The following VPS8 variants were observed in gnomAD, a reference collection of about 807,000 sequenced individuals.
VPS8 encodes vacuolar protein sorting-associated protein 8 homolog.
In VPS8, 129 loss-of-function variants were observed where a neutral mutation model predicts 216.4. That is an observed-to-expected ratio of 0.60 (90% confidence interval 0.52 to 0.69). VPS8 has a LOEUF of 0.69. Ranked by LOEUF, VPS8 falls within the 30% of genes least tolerant of loss-of-function variation. VPS8 has a pLI of 0.00. For missense variants in VPS8, 1,531 were observed against 1,683.5 expected (o/e 0.91, Z 1.59); for synonymous variants, 571 against 565.4 (o/e 1.01, Z -0.14).
At chr3:184,820,765 C>T (rs1289569453) in intron 1 of VPS8, among the ~76,000 whole-genome samples, 1 of 152,124 alleles carries the variant, frequency 6.6e-6, no homozygotes. Flanking sequence ...GGGAAGGGGA[C>T]ATAGTTGGCT....
intron 11 of VPS8, 138 bp downstream of exon 11, chr3:184,852,705 G>A (rs1724538694): frequency 1.3e-6 from 1 of 799,022 alleles, no homozygotes; most frequent in African/African-American, 1.7e-5. Context: ...TACCTGGGAA[G>A]GCTTATATTA....
intron 34 of VPS8, among the ~76,000 whole-genome samples, chr3:184,931,045 A>G (rs1740593321): frequency 6.6e-6 from 1 of 152,194 alleles, no homozygotes; most frequent in Non-Finnish European, 1.5e-5. Flanking sequence ...AGAGGATGCA[A>G]GTATTCACTT....
At chr3:185,051,773 G>A in intron 47 of VPS8, 103 bp from the exon 48 acceptor site, 1 of 1,345,648 alleles carries the variant, frequency 7.4e-7, no homozygotes. Flanking sequence ...TACTACTCCT[G>A]CAACACAGCA....
chr3:184,823,089 T>C (rs1305144675), intron 1 of VPS8, among the ~76,000 whole-genome samples: 1 of 152,196 alleles, frequency 6.6e-6, no homozygotes. Context: ...TTTAATATGA[T>C]AAAAATGAAA....
chr3:184,999,659 T>A (rs368704902), intron 44 of VPS8, 37 bp from the exon 45 acceptor site: 2 of 1,568,074 alleles, frequency 1.3e-6, no homozygotes, highest in African/African-American at 2.7e-5. Flanking sequence ...GATTTTGTGA[T>A]AATAAAAAGT....
intron 11 of VPS8, among the ~76,000 whole-genome samples, chr3:184,853,157 A>G (rs1402571779): frequency 6.6e-6 from 1 of 152,200 alleles, no homozygotes; most frequent in African/African-American, 2.4e-5. Context: ...GTTAATGTTT[A>G]TTGAGCATCT....
At chr3:184,917,304 C>A (rs1033938088) in intron 28 of VPS8, among the ~76,000 whole-genome samples, 2 of 152,198 alleles carry the variant, frequency 1.3e-5, no homozygotes, top group African/African-American at 4.8e-5. Flanking sequence ...ATAGCTGCAT[C>A]TTTTAAGTAT....
At chr3:184,820,091 T>G (rs1013340096) in intron 1 of VPS8, among the ~76,000 whole-genome samples, 4 of 152,178 alleles carry the variant, frequency 2.6e-5, no homozygotes, top group Non-Finnish European at 5.9e-5. Flanking sequence ...CAAACCTGTG[T>G]TGTTCAAGGA....
chr3:184,954,880 C>T (rs564082570), intron 36 of VPS8, among the ~76,000 whole-genome samples: 1 of 152,266 alleles, frequency 6.6e-6, no homozygotes, highest in East Asian at 1.9e-4. Context: ...TTATTATAAA[C>T]ATTAATCATT....
At chr3:184,985,402 A>G (rs1422795169) in intron 42 of VPS8, among the ~76,000 whole-genome samples, 1 of 152,058 alleles carries the variant, frequency 6.6e-6, no homozygotes, top group Non-Finnish European at 1.5e-5. Flanking sequence ...TAAATATATT[A>G]ATTGTATGTT....
chr3:184,939,554 CTTTTT>C (rs71632037), intron 35 of VPS8, among the ~76,000 whole-genome samples: 3 of 141,192 alleles, frequency 2.1e-5, no homozygotes, highest in African/African-American at 7.8e-5. Context: ...TTGCTGTCCT[CTTTTT>C]TTTTTTTTTT....
At chr3:185,002,116 G>T (rs982700518) in intron 45 of VPS8, among the ~76,000 whole-genome samples, 3 of 152,166 alleles carry the variant, frequency 2.0e-5, no homozygotes. Context: ...GTGAAATGAG[G>T]TGAGGTTCAT....
chr3:185,051,151 A>T (rs2108561726), intron 47 of VPS8, among the ~76,000 whole-genome samples: 1 of 152,256 alleles, frequency 6.6e-6, no homozygotes, highest in South Asian at 2.1e-4. Flanking sequence ...GGTCCCCCTG[A>T]GTGGCAGAGC....
At chr3:184,994,755 A>G (rs1752393369) in intron 43 of VPS8, among the ~76,000 whole-genome samples, 1 of 152,234 alleles carries the variant, frequency 6.6e-6, no homozygotes. Context: ...TCTGAAACAG[A>G]TAGTTGTCAC....
intron 42 of VPS8, among the ~76,000 whole-genome samples, chr3:184,991,690 T>G (rs1577082641): frequency 6.6e-6 from 1 of 152,316 alleles, no homozygotes; most frequent in East Asian, 1.9e-4. Context: ...TCTGTTGATA[T>G]TTGACAAACG....
intron 45 of VPS8, among the ~76,000 whole-genome samples, chr3:185,008,942 G>A (rs1036524755): frequency 3.3e-5 from 5 of 152,212 alleles, no homozygotes; most frequent in African/African-American, 1.2e-4. Flanking sequence ...TAACATGAGG[G>A]AAACCTACTT....
intron 36 of VPS8, among the ~76,000 whole-genome samples, chr3:184,943,519 T>A (rs774285550): frequency 1.2e-4 from 19 of 152,202 alleles, no homozygotes; most frequent in Non-Finnish European, 1.9e-4. Flanking sequence ...ACATCAAGAA[T>A]AGGTAGACTG....
intron 45 of VPS8, among the ~76,000 whole-genome samples, chr3:185,002,878 C>G (rs1328637638): frequency 6.6e-6 from 1 of 152,210 alleles, no homozygotes; most frequent in African/African-American, 2.4e-5. Flanking sequence ...GGTTCCACAT[C>G]TTGCAGTTGC....
intron 22 of VPS8, among the ~76,000 whole-genome samples, chr3:184,893,068 A>G (rs1216126416): frequency 2.0e-5 from 3 of 152,226 alleles, no homozygotes; most frequent in Admixed American, 2.0e-4. Flanking sequence ...ATTTTGATAA[A>G]TATGAAATGG....
Sources: allele counts gnomAD v4.1 joint callset (sites outside exome capture counted in the v4.1 genomes callset), GRCh38; gene constraint gnomAD v4.1.1; transcripts MANE v1.5; gene names NCBI Gene and HGNC (gene_info 2026-07-23, HGNC 2026-07-21).